Variants in PEAK1 observed in about 807,000 individuals in gnomAD.
The protein encoded by PEAK1 is inactive tyrosine-protein kinase PEAK1.
Under a neutral mutation model 124.7 loss-of-function variants are expected in PEAK1, and 54 were observed. The ratio of observed to expected loss-of-function variants is 0.43; its 90% CI spans 0.35 to 0.54. PEAK1 has a LOEUF of 0.54. Ranked by LOEUF, PEAK1 falls within the 20% of genes least tolerant of loss-of-function variation. PEAK1 has a pLI of 0.01. For missense variants in PEAK1, 2,046 were observed against 2,134.5 expected (o/e 0.96, Z 0.82); for synonymous variants, 719 against 760.0 (o/e 0.95, Z 0.89).
exon 7 of PEAK1, chr15:77,101,890 A>G (rs1173772494): frequency 6.6e-6 from 1 of 152,160 alleles, no homozygotes. Flanking sequence ...TTGCACCAAC[A>G]TTGACTGAAC....
downstream of PEAK1, chr15:77,106,386 T>TG (rs910451121): frequency 4.6e-5 from 7 of 152,158 alleles, no homozygotes; most frequent in African/African-American, 1.7e-4. Flanking sequence ...TATTTTGAGA[T>TG]GGAGTCTTGT....
chr15:77,408,550 AAAC>A (rs1482709900), intron 1 of PEAK1, among the ~76,000 whole-genome samples: 1 of 150,722 alleles, frequency 6.6e-6, no homozygotes, highest in East Asian at 1.9e-4. Flanking sequence ...TTAAAAAAAA[AAAC>A]AGTCTAGGAA....
At chr15:77,185,357 T>C (rs925719897) in intron 6 of PEAK1, among the ~76,000 whole-genome samples, 7 of 152,064 alleles carry the variant, frequency 4.6e-5, no homozygotes, top group Non-Finnish European at 7.4e-5. Context: ...GAAAAGAAAA[T>C]AGTGAGCTGA....
chr15:77,253,710 T>C (rs1221055551), intron 5 of PEAK1, among the ~76,000 whole-genome samples: 1 of 152,224 alleles, frequency 6.6e-6, no homozygotes, highest in Non-Finnish European at 1.5e-5. Flanking sequence ...CATTCCATAA[T>C]TTTTTGTCTT....
chr15:77,359,007 A>G (rs914195087), intron 2 of PEAK1, among the ~76,000 whole-genome samples: 1 of 152,220 alleles, frequency 6.6e-6, no homozygotes, highest in African/African-American at 2.4e-5. Context: ...GTTATCTCAT[A>G]TACTTTCTGA....
chr15:77,265,632 A>G (rs1483860898), intron 5 of PEAK1, among the ~76,000 whole-genome samples: 1 of 151,902 alleles, frequency 6.6e-6, no homozygotes, highest in East Asian at 1.9e-4. Context: ...ATGTGGAGAA[A>G]TAGGAACACT....
At chr15:77,219,054 C>T (rs980780936) in intron 6 of PEAK1, among the ~76,000 whole-genome samples, 63 of 152,064 alleles carry the variant, frequency 4.1e-4, no homozygotes, top group African/African-American at 1.5e-3. Context: ...AAGAGTATGG[C>T]TAATGAAATA....
chr15:77,355,431 T>G (rs989857971), intron 2 of PEAK1, among the ~76,000 whole-genome samples: 1 of 152,198 alleles, frequency 6.6e-6, no homozygotes, highest in Non-Finnish European at 1.5e-5. Flanking sequence ...CTGTTCAGAT[T>G]AGAATTTAAA....
chr15:77,391,804 T>C (rs1001971482), intron 1 of PEAK1, among the ~76,000 whole-genome samples: 12 of 152,130 alleles, frequency 7.9e-5, no homozygotes, highest in South Asian at 2.1e-4. Context: ...GGAAATAAGA[T>C]AGCAAACAAG....
intron 6 of PEAK1, among the ~76,000 whole-genome samples, chr15:77,226,044 G>GATATATATTAT (rs2059630724): frequency 6.7e-5 from 3 of 44,988 alleles, no homozygotes; most frequent in South Asian, 7.6e-4. Context: ...AAAATAAAGG[G>GATATATATTAT]ATATATATAT....
chr15:77,178,750 G>C, intron 7 of PEAK1, 40 bp downstream of exon 7: 3 of 1,570,174 alleles, frequency 1.9e-6, no homozygotes, highest in Non-Finnish European at 2.6e-6. Context: ...CTGAAAATGT[G>C]TTAAAAAATT....
intron 6 of PEAK1, among the ~76,000 whole-genome samples, chr15:77,216,947 A>AG (rs2059174222): frequency 6.6e-6 from 1 of 152,126 alleles, no homozygotes; most frequent in Non-Finnish European, 1.5e-5. Context: ...TTAAAGACAA[A>AG]GTACAGGCAG....
chr15:77,343,951 T>G (rs2141362921), intron 2 of PEAK1, among the ~76,000 whole-genome samples: 1 of 152,320 alleles, frequency 6.6e-6, no homozygotes, highest in South Asian at 2.1e-4. Context: ...AAGGTAGGAC[T>G]CCAACTTCAT....
At chr15:77,158,772 C>G (rs2055376743) in intron 7 of PEAK1, 76 bp from the exon 8 acceptor site, 1 of 1,400,118 alleles carries the variant, frequency 7.1e-7, no homozygotes, top group Admixed American at 1.8e-5. Context: ...AAGGCATATA[C>G]TTCCCATAAA....
chr15:77,118,137 G>C (rs1175252879), intron 9 of PEAK1, among the ~76,000 whole-genome samples: 8 of 152,188 alleles, frequency 5.3e-5, no homozygotes, highest in Admixed American at 5.2e-4. Flanking sequence ...ACATAGACAG[G>C]TTGAAGAATA....
At chr15:77,157,860 C>T (rs1228700033) in intron 8 of PEAK1, 1 of 152,256 alleles carries the variant, frequency 6.6e-6, no homozygotes, top group East Asian at 1.9e-4. Context: ...AATCCACATA[C>T]ACATGGCAGC....
chr15:77,389,831 T>C (rs901831543), intron 1 of PEAK1, among the ~76,000 whole-genome samples: 2 of 152,126 alleles, frequency 1.3e-5, no homozygotes, highest in Non-Finnish European at 2.9e-5. Context: ...TTGACTGCAA[T>C]TGGAAGGTTT....
intron 1 of PEAK1, among the ~76,000 whole-genome samples, chr15:77,378,494 T>A (rs1178710710): frequency 1.3e-5 from 2 of 152,118 alleles, no homozygotes; most frequent in African/African-American, 2.4e-5. Flanking sequence ...TTATATTTAA[T>A]TAGAGTTTGT....
chr15:77,300,225 A>C (rs1021954136), intron 2 of PEAK1, among the ~76,000 whole-genome samples: 3 of 152,100 alleles, frequency 2.0e-5, no homozygotes, highest in African/African-American at 7.3e-5. Flanking sequence ...GTTTAGAATG[A>C]ATAACTGCAC....
Sources: allele counts gnomAD v4.1 joint callset (sites outside exome capture counted in the v4.1 genomes callset), GRCh38; gene constraint gnomAD v4.1.1; transcripts MANE v1.5; gene names NCBI Gene and HGNC (gene_info 2026-07-23, HGNC 2026-07-21).